CDH12: variants seen among roughly 807,000 people sequenced by gnomAD.
CDH12 encodes cadherin-12.
A neutral mutation model predicts 74.1 loss-of-function variants in CDH12; 41 were observed. The ratio of observed to expected loss-of-function variants is 0.55; its 90% CI spans 0.43 to 0.72. The LOEUF is 0.72. CDH12 is among the 30% of genes least tolerant of loss of function. CDH12 has a pLI of 0.00. For synonymous variants in CDH12, 399 were observed against 355.0 expected (o/e 1.12, Z -1.39); for missense variants, 945 against 977.2 (o/e 0.97, Z 0.44).
At chr5:22,483,346 T>C (rs1746455845) in intron 2 of CDH12, among the ~76,000 whole-genome samples, 1 of 152,254 alleles carries the variant, frequency 6.6e-6, no homozygotes, top group South Asian at 2.1e-4. Flanking sequence ...ACATTCTTTT[T>C]TTAAATAACT....
chr5:22,053,278 TA>T (rs925575416), intron 5 of CDH12, among the ~76,000 whole-genome samples: 3 of 152,112 alleles, frequency 2.0e-5, no homozygotes, highest in Admixed American at 6.6e-5. Context: ...GGGACTGAAT[TA>T]ACATATGTCT....
chr5:21,974,944 G>T, intron 6 of CDH12, 147 bp downstream of exon 6: 2 of 631,852 alleles, frequency 3.2e-6, no homozygotes, highest in Non-Finnish European at 5.4e-6. Flanking sequence ...AAACAAAAAA[G>T]TTACAAAAAT....
At chr5:22,244,784 G>GAAAGAA (rs1264260893) in intron 3 of CDH12, among the ~76,000 whole-genome samples, 1 of 123,164 alleles carries the variant, frequency 8.1e-6, no homozygotes, top group Non-Finnish European at 1.8e-5. Flanking sequence ...AAGAAAGAAA[G>GAAAGAA]AAAGAAAGAA....
At chr5:21,793,200 C>T (rs962481568) in intron 10 of CDH12, among the ~76,000 whole-genome samples, 6 of 151,756 alleles carry the variant, frequency 4.0e-5, no homozygotes, top group Non-Finnish European at 5.9e-5. Flanking sequence ...TCTATTTCTT[C>T]CTTCTTACAA....
intron 4 of CDH12, among the ~76,000 whole-genome samples, chr5:22,138,845 A>AATATATCTATATATATAT (rs1746613828): frequency 1.3e-5 from 1 of 76,552 alleles, no homozygotes; most frequent in Admixed American, 1.7e-4. Context: ...ATATATACGT[A>AATATATCTATATATATAT]ATATATATAT....
chr5:22,575,524 G>A (rs903707158), intron 1 of CDH12, among the ~76,000 whole-genome samples: 2 of 151,990 alleles, frequency 1.3e-5, no homozygotes, highest in African/African-American at 2.4e-5. Context: ...TCCCAAGTGG[G>A]TGAAACCAGA....
At chr5:22,104,128 A>G (rs1355769298) in intron 4 of CDH12, among the ~76,000 whole-genome samples, 1 of 152,236 alleles carries the variant, frequency 6.6e-6, no homozygotes, top group Non-Finnish European at 1.5e-5. Flanking sequence ...AAGCTAATCA[A>G]ATAGTAACAG....
At chr5:22,015,690 G>A (rs938772661) in intron 5 of CDH12, among the ~76,000 whole-genome samples, 9 of 152,118 alleles carry the variant, frequency 5.9e-5, no homozygotes, top group Non-Finnish European at 1.3e-4. Context: ...GCTTTATAGA[G>A]TCCCAGCGTA....
chr5:22,419,927 G>T (rs756042232), intron 2 of CDH12, among the ~76,000 whole-genome samples: 1 of 152,034 alleles, frequency 6.6e-6, no homozygotes, highest in East Asian at 1.9e-4. Flanking sequence ...TCTCATGTTT[G>T]TTGGCCACAT....
At chr5:22,219,373 C>T (rs1473063489) in intron 3 of CDH12, among the ~76,000 whole-genome samples, 1 of 151,578 alleles carries the variant, frequency 6.6e-6, no homozygotes, top group Non-Finnish European at 1.5e-5. Context: ...CATGGTGACT[C>T]TATTAACCTC....
At chr5:22,214,246 G>A (rs555418781) in intron 3 of CDH12, among the ~76,000 whole-genome samples, 2 of 152,160 alleles carry the variant, frequency 1.3e-5, no homozygotes, top group Admixed American at 6.5e-5. Flanking sequence ...CCAGGAGATG[G>A]GGCTGTAGCC....
At chr5:22,748,871 C>T (rs1261541166) in intron 1 of CDH12, among the ~76,000 whole-genome samples, 2 of 152,148 alleles carry the variant, frequency 1.3e-5, no homozygotes, top group Non-Finnish European at 2.9e-5. Flanking sequence ...GGCTGTTTGA[C>T]TTCAGTTCAT....
chr5:22,576,826 T>C (rs1739814804), intron 1 of CDH12, among the ~76,000 whole-genome samples: 1 of 152,048 alleles, frequency 6.6e-6, no homozygotes, highest in African/African-American at 2.4e-5. Flanking sequence ...ATGGTAAATA[T>C]CATTTGTGCC....
rs558322228 is a variant in CDH12 at position 21,990,990 on chromosome 5, C to T, written c.232-15605G>A. Among the ~76,000 whole-genome samples, 6 of 151,022 alleles carry T rather than the reference C, an allele frequency of 4.0e-5. No individual in the cohort carries two copies. The South Asian group carries it at 1.3e-3, about 32-fold the overall frequency. ...GAGAAAAAAACCAAAAAAGCTGAAT[C>T]TATGTTCAGAGAATTGAATTAGCAA... On this transcript the variant is annotated intron_variant, in intron 5 of 14. Coordinates refer to ENST00000382254, the MANE Select transcript of CDH12 (RefSeq NM_004061.5).
At chr5:22,092,373 AAG>A (rs1457283668) in intron 4 of CDH12, among the ~76,000 whole-genome samples, 7 of 152,292 alleles carry the variant, frequency 4.6e-5, no homozygotes, top group African/African-American at 1.4e-4. Context: ...TTCACTTGAC[AAG>A]AGACTTGTAT....
chr5:22,410,076 G>A (rs762197470), intron 2 of CDH12, among the ~76,000 whole-genome samples: 88 of 152,032 alleles, frequency 5.8e-4, no homozygotes, highest in Non-Finnish European at 1.1e-3. Context: ...AAAATGACAG[G>A]ATAAAAAGCC....
chr5:22,692,395 C>T (rs1172476424), intron 1 of CDH12, among the ~76,000 whole-genome samples: 1 of 152,148 alleles, frequency 6.6e-6, no homozygotes, highest in Non-Finnish European at 1.5e-5. Flanking sequence ...GCCTCCATGG[C>T]TTCTTCACAT....
intron 8 of CDH12, among the ~76,000 whole-genome samples, chr5:21,840,874 T>G (rs1025791067): frequency 9.2e-5 from 14 of 152,274 alleles, no homozygotes; most frequent in African/African-American, 3.1e-4. Flanking sequence ...GATTAAAGAC[T>G]TAAACGTTAG....
At chr5:22,673,136 T>C (rs1740993041) in intron 1 of CDH12, among the ~76,000 whole-genome samples, 1 of 152,176 alleles carries the variant, frequency 6.6e-6, no homozygotes, top group Non-Finnish European at 1.5e-5. Flanking sequence ...GTCATAAGTG[T>C]ATTTACAGTG....
Sources: allele counts gnomAD v4.1 joint callset (sites outside exome capture counted in the v4.1 genomes callset), GRCh38; gene constraint gnomAD v4.1.1; transcripts MANE v1.5; gene names NCBI Gene and HGNC (gene_info 2026-07-23, HGNC 2026-07-21).